Variants in RIPK2 observed in about 807,000 individuals in gnomAD.
RIPK2 encodes the protein receptor-interacting serine/threonine-protein kinase 2.
In RIPK2, 38 loss-of-function variants were observed where a neutral mutation model predicts 60.9. The ratio of observed to expected loss-of-function variants is 0.62; its 90% CI spans 0.48 to 0.82. RIPK2 has a LOEUF of 0.82. RIPK2 is among the 40% of genes least tolerant of loss of function. The pLI, the probability that RIPK2 is intolerant of heterozygous loss-of-function variation, is 0.00. For synonymous variants in RIPK2, 225 were observed against 223.4 expected (o/e 1.01, Z -0.06); for missense variants, 518 against 647.0 (o/e 0.80, Z 2.16).
In RIPK2 at chr8:89,758,015, G is replaced by C. The variant is rs1809075120; in HGVS notation, c.-46G>C. 2.7e-6 allele frequency: 4 copies of C among 1,494,688 alleles called. No individual in the cohort carries two copies. The allele number at this position is 1,494,688 out of a possible 1,614,324, so 92.6% of individuals were successfully genotyped here. On this transcript the variant is annotated 5_prime_UTR_variant, in exon 1 of 11. Transcript: ENST00000220751. ...GCGCGGCGTGGGAGCCTTGGGAGCCGCCGCAGCAGGGGGCACACCCGGAAC... is the reference window on the plus strand; with the variant it reads ...GCGCGGCGTGGGAGCCTTGGGAGCCCCCGCAGCAGGGGGCACACCCGGAAC...
rs778345800 is a variant in RIPK2 at position 89,758,054 on chromosome 8, C to CG, written c.-4dup. The CG allele has an allele frequency of 2.5e-6, 4 of 1,587,106 alleles. No homozygotes were observed. The highest frequency in any genetic ancestry group is 3.4e-6 in the Non-Finnish European group (4 of 1,166,594). ...CACACCCGGAACCGGCCTGAGCGCC[C>CG]GGGACCATGAACGGGGAGGCCATCT... On this transcript the variant is annotated 5_prime_UTR_variant, in exon 1 of 11. Coordinates refer to ENST00000220751, the MANE Select transcript of RIPK2 (RefSeq NM_003821.6).
chr8:89,765,497 G>T lies in RIPK2; in HGVS notation c.483+1G>T. On this transcript the variant is annotated splice_donor_variant, in intron 3 of 10. Transcript: ENST00000220751. LOFTEE classifies it high-confidence loss of function. ...ATTGGACAATGAATTTCATGTTAAGGTAATTACTTTTTTAAAAAGTTTATG... is the reference window on the plus strand; with the variant it reads ...ATTGGACAATGAATTTCATGTTAAGTTAATTACTTTTTTAAAAAGTTTATG... The T allele has an allele frequency of 6.4e-7, 1 of 1,553,498 alleles. No homozygotes were observed. The highest frequency in any genetic ancestry group is 8.8e-7 in the Non-Finnish European group (1 of 1,134,794).
intron 3 of RIPK2, among the ~76,000 whole-genome samples, 186 bp downstream of exon 3, chr8:89,765,682 T>C (rs1299067769): frequency 6.6e-6 from 1 of 151,912 alleles, no homozygotes; most frequent in Non-Finnish European, 1.5e-5. Flanking sequence ...TAGGAAGTTA[T>C]TCCTAGACAG....
chr8:89,780,203 A>G, intron 7 of RIPK2, 43 bp downstream of exon 7: 1 of 966,890 alleles, frequency 1.0e-6, no homozygotes, highest in Non-Finnish European at 1.6e-6. Context: ...AATTTAAACA[A>G]CTATATAATA....
intron 8 of RIPK2, among the ~76,000 whole-genome samples, chr8:89,785,414 A>ACTG (rs942611793): frequency 1.3e-5 from 2 of 151,886 alleles, no homozygotes; most frequent in African/African-American, 4.8e-5. Flanking sequence ...AGATCGCACC[A>ACTG]CTGCAGTCCA....
intron 6 of RIPK2, among the ~76,000 whole-genome samples, chr8:89,776,052 A>G (rs1290897128): frequency 6.6e-6 from 1 of 152,184 alleles, no homozygotes; most frequent in African/African-American, 2.4e-5. Flanking sequence ...TTACCAGCCC[A>G]CCACAGGCCT....
At chr8:89,769,678 T>G in intron 3 of RIPK2, 94 bp from the exon 4 acceptor site, 3 of 746,902 alleles carry the variant, frequency 4.0e-6, no homozygotes, top group Non-Finnish European at 6.2e-6. Context: ...TTCTCTGGTT[T>G]GATATCTAAA....
At position 89,762,947 on chromosome 8, in the gene RIPK2, A is replaced by G; in HGVS notation, c.292A>G (p.Met98Val). The G allele has an allele frequency of 6.6e-7, 1 of 1,525,576 alleles. No homozygotes were observed. The highest frequency in any genetic ancestry group is 8.9e-7 in the Non-Finnish European group (1 of 1,129,072). The allele number at this position is 1,525,576 out of a possible 1,614,324, so 94.5% of individuals were successfully genotyped here. Residue 98 changes from methionine (M) to valine (V), a missense_variant, in exon 2 of 11, where the codon ATG becomes GTG. This residue lies in a region of RIPK2 where 448 missense variants were observed against 534.7 expected (regional missense o/e 0.84). Transcript: ENST00000220751. Reference sequence around the variant, plus strand: ...ATTTTTGGGAATAGTTACTGAATACATGCCAAATGGATCATTAAATGAACT... The same window carrying G: ...ATTTTTGGGAATAGTTACTGAATACGTGCCAAATGGATCATTAAATGAACT... ...PEFLGIVTEYMPNGSLNELLH... is the reference protein window; with the variant it reads ...PEFLGIVTEYVPNGSLNELLH...
intron 9 of RIPK2, among the ~76,000 whole-genome samples, 153 bp downstream of exon 9, chr8:89,786,839 G>T (rs1809595747): frequency 6.6e-6 from 1 of 151,640 alleles, no homozygotes; most frequent in Non-Finnish European, 1.5e-5. Context: ...GAAAATAGTA[G>T]TGTGATATTC....
intron 1 of RIPK2, among the ~76,000 whole-genome samples, chr8:89,758,787 T>C (rs942957937): frequency 3.3e-5 from 5 of 152,208 alleles, no homozygotes; most frequent in African/African-American, 9.6e-5. Context: ...AAAGAACTTA[T>C]AATATTTTAT....
intron 9 of RIPK2, among the ~76,000 whole-genome samples, chr8:89,787,733 G>T (rs36032938): frequency 6.6e-6 from 1 of 152,100 alleles, no homozygotes; most frequent in Admixed American, 6.5e-5. Context: ...AATTTTTTGA[G>T]CAAGGGAGTG....
At position 89,789,467 on chromosome 8, in the gene RIPK2, A is replaced by G. The variant is rs200397135; in HGVS notation, c.1270A>G (p.Thr424Ala). Reference protein sequence around the residue: ...CSSAIINPLSTAGNSERLQPG... With the variant: ...CSSAIINPLSAAGNSERLQPG... ...TTCAGCAATAATAAATCCACTCTCA[A>G]CTGCAGGAAACTCAGGTAAATATTT... Residue 424 changes from threonine (T) to alanine (A), a missense_variant, in exon 10 of 11, where the codon ACT becomes GCT. Thr to Ala is a moderately conservative substitution (Grantham distance 58). Transcript: ENST00000220751. 5.3e-5 allele frequency: 86 copies of G among 1,613,416 alleles called. No individual in the cohort carries two copies. The Middle Eastern group carries it at 2.6e-3, about 50-fold the overall frequency.
chr8:89,770,164 A>G (rs1027082042), intron 4 of RIPK2, among the ~76,000 whole-genome samples: 5 of 151,884 alleles, frequency 3.3e-5, no homozygotes, highest in African/African-American at 9.7e-5. Context: ...TTCTTATCCT[A>G]TCAATTTATA....
Position 89,779,768 on chromosome 8 carries a change from T to C in RIPK2, c.854-307T>C, listed in dbSNP as rs186965556. On this transcript the variant is annotated intron_variant, in intron 6 of 10. Transcript: ENST00000220751. ...TTTTATGTGTAGTGTGATATAAGTATCTAAATTTATCTGTTTCCAGGTGTA... is the reference window on the plus strand; with the variant it reads ...TTTTATGTGTAGTGTGATATAAGTACCTAAATTTATCTGTTTCCAGGTGTA... Among the ~76,000 whole-genome samples, 8 of 152,360 alleles carry C rather than the reference T, an allele frequency of 5.3e-5. No individual in the cohort carries two copies. The East Asian group carries it at 1.3e-3, about 26-fold the overall frequency.
chr8:89,782,509 TAAAG>T (rs1437012116), intron 7 of RIPK2, among the ~76,000 whole-genome samples: 1 of 151,992 alleles, frequency 6.6e-6, no homozygotes, highest in Non-Finnish European at 1.5e-5. Context: ...AGATTCTTCA[TAAAG>T]AAATTTCTGA....
At chr8:89,758,984 T>G (rs1452194259) in intron 1 of RIPK2, among the ~76,000 whole-genome samples, 1 of 152,198 alleles carries the variant, frequency 6.6e-6, no homozygotes, top group African/African-American at 2.4e-5. Flanking sequence ...ATGTTTTGCT[T>G]CTTATTGTTT....
rs756962812 is a variant in RIPK2, at chr8:89,758,218, C to T, written c.158C>T (p.Thr53Ile). Reference protein sequence around the residue: ...QVAVKHLHIHTPLLDSERKDV... With the variant: ...QVAVKHLHIHIPLLDSERKDV... ...GCCGTGAAGCACCTGCACATCCACA[C>T]TCCGCTGCTCGACAGGTAGGCAGTC... is the stretch of plus-strand genomic sequence containing the variant. The change falls in exon 1 of 11, where the codon ACT becomes ATT. Residue 53 changes from threonine to isoleucine, a missense_variant. Physicochemically the swap from Thr to Ile is moderately conservative, Grantham distance 89. This residue lies in a region of RIPK2 where 448 missense variants were observed against 534.7 expected (regional missense o/e 0.84). Coordinates refer to ENST00000220751, the MANE Select transcript of RIPK2 (RefSeq NM_003821.6). 1 of 1,607,390 alleles carries T rather than the reference C, an allele frequency of 6.2e-7. No homozygotes were observed. Among genetic ancestry groups the T allele is most frequent in the South Asian group, 1.1e-5 (1 of 90,132 alleles).
intron 10 of RIPK2, 32 bp downstream of exon 10, chr8:89,789,514 G>A (rs778723591): frequency 1.3e-6 from 2 of 1,588,398 alleles, no homozygotes; most frequent in South Asian, 2.2e-5. Flanking sequence ...CCTTGTAAGT[G>A]ATGCCATTGA....
intron 6 of RIPK2, among the ~76,000 whole-genome samples, chr8:89,777,929 G>T (rs1486064230): frequency 6.6e-6 from 1 of 152,072 alleles, no homozygotes; most frequent in Non-Finnish European, 1.5e-5. Context: ...AGTGTATTCA[G>T]TAAAGAAATT....
Sources: gnomAD v4.1 joint callset for allele counts (sites outside exome capture counted in the v4.1 genomes callset) on GRCh38, gnomAD v4.1.1 for gene constraint, gnomAD v4.1.1 regional missense constraint, MANE v1.5 for transcripts, NCBI Gene and HGNC (gene_info 2026-07-23, HGNC 2026-07-21) for gene names.